HDAC8: variants seen among roughly 807,000 people sequenced by gnomAD.
The protein encoded by HDAC8 is histone deacetylase-like 1.
In HDAC8, 1 loss-of-function variant was observed where a neutral mutation model predicts 32.2. The ratio of observed to expected loss-of-function variants is 0.03; its 90% CI spans 0.01 to 0.15. The LOEUF is 0.15. Ranked by LOEUF, HDAC8 falls within the 10% of genes least tolerant of loss-of-function variation. The probability of loss-of-function intolerance (pLI) is 1.00; values close to 1 mark genes in which losing one functional copy is unlikely to be tolerated. For synonymous variants in HDAC8, 108 were observed against 113.9 expected (o/e 0.95, Z 0.33); for missense variants, 117 against 300.0 (o/e 0.39, Z 4.51).
chrX:72,383,795 G>A (rs925556227), intron 9 of HDAC8, among the ~76,000 whole-genome samples: 5 of 105,950 alleles, frequency 4.7e-5, no homozygotes, highest in East Asian at 2.9e-4. Flanking sequence ...GTGTGAACCC[G>A]GGAGGCGGAG....
Position 72,343,016 on chromosome X carries a change from C to T in HDAC8, c.1111+8717G>A, listed in dbSNP as rs149325167. ...TATAGACATAAAAAAACCCCAGCCT[C>T]ATCCTAAGTAATATCTTTGAAACCA... On this transcript the variant is annotated intron_variant, in intron 10 of 10. Coordinates refer to ENST00000373573, the MANE Select transcript of HDAC8 (RefSeq NM_018486.3). Among the ~76,000 whole-genome samples, 286 of 111,508 alleles carry T rather than the reference C, an allele frequency of 2.6e-3. 4 individuals carry two copies. Among genetic ancestry groups the T allele is most frequent in the African/African-American group, 8.5e-3 (261 of 30,802 alleles).
intron 4 of HDAC8, among the ~76,000 whole-genome samples, chrX:72,501,401 T>C (rs1435770512): frequency 8.9e-6 from 1 of 111,879 alleles, no homozygotes; most frequent in Non-Finnish European, 1.9e-5. Flanking sequence ...CAAAACAGCA[T>C]GGTACTGGTA....
chrX:72,388,450 C>G lies in HDAC8; in HGVS notation c.1006-36612G>C, dbSNP rs1462054582. 3.6e-5 allele frequency among the ~76,000 whole-genome samples: 4 copies of G among 110,147 alleles called. No homozygotes were observed. In the East Asian group the frequency reaches 1.1e-3, roughly 32 times the overall value. ...TTTGGTAAGCCTTTGCTCTCCTTCACTCCTATATCTACTTCATCAAGTCTT... is the reference window on the plus strand; with the variant it reads ...TTTGGTAAGCCTTTGCTCTCCTTCAGTCCTATATCTACTTCATCAAGTCTT... On this transcript the variant is annotated intron_variant, in intron 9 of 10. Coordinates refer to ENST00000373573, the MANE Select transcript of HDAC8 (RefSeq NM_018486.3).
intron 9 of HDAC8, among the ~76,000 whole-genome samples, chrX:72,434,278 A>T (rs1461919561): frequency 9.0e-6 from 1 of 111,462 alleles, no homozygotes; most frequent in Non-Finnish European, 1.9e-5. Context: ...GCTGACAGAC[A>T]TATATGAGAT....
intron 4 of HDAC8, among the ~76,000 whole-genome samples, chrX:72,498,690 A>T (rs2148154604): frequency 8.9e-6 from 1 of 112,069 alleles, no homozygotes; most frequent in South Asian, 3.7e-4. Context: ...TATGCTTGGT[A>T]TATTGATGAT....
intron 9 of HDAC8, among the ~76,000 whole-genome samples, chrX:72,414,537 G>A (rs1748802726): frequency 8.9e-6 from 1 of 112,456 alleles, no homozygotes; most frequent in Non-Finnish European, 1.9e-5. Flanking sequence ...GTATCTGTAG[G>A]ATCAGAACGT....
Position 72,554,847 on chromosome X carries a change from C to T in HDAC8, c.437+13042G>A, listed in dbSNP as rs181440699. ...CTCTTGGGAGTTCTATGGCCCTGCC[C>T]GCTGCCTGAGAAACCTGAATACTTA... On this transcript the variant is annotated intron_variant, in intron 4 of 10. Transcript: ENST00000373573. Among the ~76,000 whole-genome samples the T allele has an allele frequency of 5.4e-5, 6 of 112,085 alleles. No homozygotes were observed. The East Asian group carries it at 1.4e-3, about 26-fold the overall frequency.
chrX:72,437,083 T>C (rs1804255078), intron 9 of HDAC8, among the ~76,000 whole-genome samples: 2 of 112,039 alleles, frequency 1.8e-5, no homozygotes, highest in South Asian at 7.5e-4. Flanking sequence ...GGTCTGCAGC[T>C]CCCAGCATGA....
chrX:72,339,320 A>G (rs2043824877), intron 10 of HDAC8, among the ~76,000 whole-genome samples: 1 of 112,494 alleles, frequency 8.9e-6, no homozygotes, highest in Non-Finnish European at 1.9e-5. Flanking sequence ...GGGGTCACAG[A>G]GGGGATCAAG....
chrX:72,493,646 T>C (rs1556011242), intron 5 of HDAC8, among the ~76,000 whole-genome samples: 1 of 111,795 alleles, frequency 8.9e-6, no homozygotes, highest in Admixed American at 9.5e-5. Flanking sequence ...AGACACATTT[T>C]TAAAAAATAT....
At chrX:72,388,024 C>A (rs782488531) in intron 9 of HDAC8, among the ~76,000 whole-genome samples, 1 of 110,068 alleles carries the variant, frequency 9.1e-6, no homozygotes, top group Non-Finnish European at 1.9e-5. Flanking sequence ...AGGACTTCAT[C>A]CAGCAGGCAA....
chrX:72,428,434 G>C (rs1257240984), intron 9 of HDAC8, among the ~76,000 whole-genome samples: 1 of 112,165 alleles, frequency 8.9e-6, no homozygotes, highest in African/African-American at 3.2e-5. Flanking sequence ...TTTTACTTTT[G>C]CTTTCCTGGT....
At chrX:72,359,021 T>C (rs2044458198) in intron 9 of HDAC8, among the ~76,000 whole-genome samples, 1 of 110,027 alleles carries the variant, frequency 9.1e-6, no homozygotes, top group Admixed American at 9.6e-5. Flanking sequence ...ACCAGCCCCG[T>C]GGCCCCAGGG....
At chrX:72,434,579 A>G (rs188977819) in intron 9 of HDAC8, among the ~76,000 whole-genome samples, 115 of 111,672 alleles carry the variant, frequency 1.0e-3, no homozygotes, top group African/African-American at 3.6e-3. Context: ...TATTAGCAAG[A>G]GCTGTGAGGC....
chrX:72,340,534 A>G (rs1391629814), intron 10 of HDAC8, among the ~76,000 whole-genome samples: 1 of 102,936 alleles, frequency 9.7e-6, no homozygotes, highest in African/African-American at 3.6e-5. Flanking sequence ...TTTTGACTTG[A>G]ACTGGAGACC....
chrX:72,461,696 G>C (rs2047871133), intron 9 of HDAC8, among the ~76,000 whole-genome samples: 1 of 111,644 alleles, frequency 9.0e-6, no homozygotes, highest in Non-Finnish European at 1.9e-5. Flanking sequence ...TTTGAGGCTA[G>C]GGGATAAAAA....
At chrX:72,399,891 A>G (rs1256687946) in intron 9 of HDAC8, among the ~76,000 whole-genome samples, 1 of 112,184 alleles carries the variant, frequency 8.9e-6, no homozygotes, top group Non-Finnish European at 1.9e-5. Context: ...TCTTAAATGT[A>G]TATCAATCAG....
chrX:72,334,207 G>A (rs1854612704), intron 10 of HDAC8, among the ~76,000 whole-genome samples: 1 of 111,802 alleles, frequency 8.9e-6, no homozygotes, highest in Non-Finnish European at 1.9e-5. Flanking sequence ...GGGGCCTAGG[G>A]AGACAAGAAG....
chrX:72,373,225 C>CA (rs1179877967), intron 9 of HDAC8, among the ~76,000 whole-genome samples: 2 of 111,879 alleles, frequency 1.8e-5, no homozygotes, highest in East Asian at 5.6e-4. Flanking sequence ...GTCCCTCCGC[C>CA]TTTTTTTTCC....
Sources: gnomAD v4.1 joint callset for allele counts (sites outside exome capture counted in the v4.1 genomes callset) on GRCh38, gnomAD v4.1.1 for gene constraint, MANE v1.5 for transcripts, NCBI Gene and HGNC (gene_info 2026-07-23, HGNC 2026-07-21) for gene names.